ACSL4: variants seen among roughly 807,000 people sequenced by gnomAD.
The protein encoded by ACSL4 is long-chain-fatty-acid--CoA ligase 4.
In ACSL4, 9 loss-of-function variants were observed where a neutral mutation model predicts 49.1. The ratio of observed to expected loss-of-function variants is 0.18; its 90% CI spans 0.11 to 0.32. The LOEUF (loss-of-function observed/expected upper bound fraction) is 0.32, where lower values mean the gene tolerates loss of function less well. ACSL4 is among the 10% of genes least tolerant of loss of function. ACSL4 has a pLI of 1.00. For synonymous variants in ACSL4, 191 were observed against 170.3 expected, an observed-to-expected ratio of 1.12 and a Z score of -0.95; for missense variants, 333 against 493.7, an observed-to-expected ratio of 0.67 and a Z score of 3.08.
Position 109,697,419 on chromosome X carries a change from A to T in ACSL4, c.-65-1223T>A, listed in dbSNP as rs191393334. On this transcript the variant is annotated intron_variant, in intron 1 of 15. Transcript: ENST00000672401. ...GAACATCCACATAACTGTAATCATC[A>T]CACTAACTAGCTGGTGTTAATTCAT... is the stretch of plus-strand genomic sequence containing the variant. Among the ~76,000 whole-genome samples the T allele has an allele frequency of 6.3e-5, 7 of 111,516 alleles. No homozygotes were observed. The East Asian group carries it at 2.0e-3, about 32-fold the overall frequency.
intron 15 of ACSL4, among the ~76,000 whole-genome samples, chrX:109,645,306 A>G (rs923446117): frequency 1.8e-5 from 2 of 112,440 alleles, no homozygotes; most frequent in Non-Finnish European, 1.9e-5. Flanking sequence ...TGGTTCTCCC[A>G]GCACGCAGCT....
At chrX:109,698,526 AAT>A (rs780233850) in intron 1 of ACSL4, among the ~76,000 whole-genome samples, 126 of 112,093 alleles carry the variant, frequency 1.1e-3, no homozygotes, top group Non-Finnish European at 1.1e-3. Flanking sequence ...GTTTTTTTCT[AAT>A]ATAAGAAAGT....
chrX:109,671,470 C>G (rs1056310779), intron 9 of ACSL4, among the ~76,000 whole-genome samples: 1 of 108,718 alleles, frequency 9.2e-6, no homozygotes, highest in African/African-American at 3.3e-5. Context: ...AGCCCCCGCC[C>G]GACCAGCCAC....
chrX:109,682,730 T>A lies in ACSL4; in HGVS notation c.395A>T (p.Tyr132Phe), dbSNP rs753396090. 3 of 1,209,895 alleles carry A rather than the reference T, an allele frequency of 2.5e-6. No homozygotes were observed. The African/African-American group carries it at 5.2e-5, about 21-fold the overall frequency. ...CACAAGGCACTTACGAGGAAAGTTG[T>A]ACTTAAAGCAGGTCTGTGCTGCAAT... ...WMIAAQTCFK[Y>F]NFPLVTLYAT... The change falls in exon 4 of 16, where the codon TAC (tyrosine) becomes TTC (phenylalanine). Residue 132 changes from tyrosine to phenylalanine, a missense_variant. Physicochemically the swap from Tyr to Phe is conservative, Grantham distance 22. Coordinates refer to ENST00000672401, the MANE Select transcript of ACSL4 (RefSeq NM_001318510.2).
At chrX:109,724,843 C>T (rs1329418302) in intron 1 of ACSL4, among the ~76,000 whole-genome samples, 4 of 110,238 alleles carry the variant, frequency 3.6e-5, no homozygotes, top group African/African-American at 9.9e-5. Context: ...ATCTGTGAGA[C>T]GGAGGTTGTA....
At position 109,685,989 on chromosome X, in the gene ACSL4, C is replaced by T. The variant is rs150948405; in HGVS notation, c.-12-2614G>A. ...GCCTTTCCAGCTTTAAATTCTATGA[C>T]TTACCCTACTTGGAAAGTACCTTCT... On this transcript the variant is annotated intron_variant, in intron 2 of 15. Coordinates refer to ENST00000672401, the MANE Select transcript of ACSL4 (RefSeq NM_001318510.2). Among the ~76,000 whole-genome samples the T allele has an allele frequency of 4.8e-3, 540 of 111,412 alleles. 5 individuals are homozygous for T. The highest frequency in any genetic ancestry group is 0.015 in the African/African-American group (456 of 30,691).
intron 2 of ACSL4, among the ~76,000 whole-genome samples, chrX:109,690,441 A>G (rs778614029): frequency 8.9e-6 from 1 of 111,966 alleles, no homozygotes; most frequent in East Asian, 2.8e-4. Flanking sequence ...GGTATTGAGC[A>G]TTTACTACAG....
intron 9 of ACSL4, 147 bp from the exon 10 acceptor site, chrX:109,669,320 A>C: frequency 7.0e-6 from 3 of 429,454 alleles, no homozygotes; most frequent in Non-Finnish European, 4.0e-6. Context: ...TTCACTGACT[A>C]CTTGTTCACT....
chrX:109,668,042 C>T (rs983596601), intron 11 of ACSL4, 59 bp downstream of exon 11: 25 of 897,361 alleles, frequency 2.8e-5, no homozygotes, highest in Middle Eastern at 3.3e-4. Context: ...AAAGGTAATG[C>T]GAATGTATTT....
intron 4 of ACSL4, 25 bp downstream of exon 4, chrX:109,682,694 C>G: frequency 8.3e-7 from 1 of 1,209,456 alleles, no homozygotes; most frequent in South Asian, 1.8e-5. Context: ...CTCCTCTCCC[C>G]CCTCCAAAAA....
At chrX:109,648,629 C>T (rs1038164366) in intron 15 of ACSL4, among the ~76,000 whole-genome samples, 2 of 111,491 alleles carry the variant, frequency 1.8e-5, no homozygotes, top group African/African-American at 6.5e-5. Flanking sequence ...CAGGGATGCC[C>T]TCTCTCACCA....
At position 109,731,234 on chromosome X, in the gene ACSL4, T is replaced by C. The variant is rs1928418478; in HGVS notation, c.-66+1905A>G. Reference sequence around the variant, plus strand: ...CAGCCTTAACGCAAATTGCATTATATGTGTGTGTGTATACCTATATATACA... The same window carrying C: ...CAGCCTTAACGCAAATTGCATTATACGTGTGTGTGTATACCTATATATACA... On this transcript the variant is annotated intron_variant, in intron 1 of 15. Coordinates refer to ENST00000672401, the MANE Select transcript of ACSL4 (RefSeq NM_001318510.2). 3.6e-5 allele frequency among the ~76,000 whole-genome samples: 4 copies of C among 110,735 alleles called. No homozygotes were observed. In the South Asian group the frequency reaches 1.5e-3, roughly 42 times the overall value.
chrX:109,672,558 TTCAA>T (rs1220312318), intron 9 of ACSL4, among the ~76,000 whole-genome samples: 2 of 111,707 alleles, frequency 1.8e-5, no homozygotes, highest in South Asian at 3.7e-4. Context: ...TGTTATAGTA[TTCAA>T]TCAATCTTTC....
At chrX:109,690,371 G>A (rs1924948285) in intron 2 of ACSL4, among the ~76,000 whole-genome samples, 1 of 112,063 alleles carries the variant, frequency 8.9e-6, no homozygotes, top group Admixed American at 9.5e-5. Flanking sequence ...TTCAGTCATT[G>A]GATAGTTAAT....
At chrX:109,665,960 T>C (rs1477749640) in intron 11 of ACSL4, among the ~76,000 whole-genome samples, 1 of 112,324 alleles carries the variant, frequency 8.9e-6, no homozygotes, top group Non-Finnish European at 1.9e-5. Context: ...TTAACACTTC[T>C]TGGCACAAGC....
intron 12 of ACSL4, 56 bp downstream of exon 12, chrX:109,665,364 C>T: frequency 1.9e-6 from 2 of 1,038,244 alleles, no homozygotes; most frequent in Non-Finnish European, 2.7e-6. Context: ...AGTCATAAAG[C>T]TGACAGTAGT....
intron 1 of ACSL4, among the ~76,000 whole-genome samples, chrX:109,729,594 T>C (rs1237546308): frequency 8.9e-6 from 1 of 111,916 alleles, no homozygotes; most frequent in Non-Finnish European, 1.9e-5. Flanking sequence ...ATTTCAGAAA[T>C]TTATGTTCAC....
chrX:109,653,777 G>A lies in ACSL4; in HGVS notation c.1855+5577C>T, dbSNP rs1921378374. ...CAATGAGAACACATGGACACAGGAA[G>A]GGGAACATCACACTCTGGGGACTGT... is the stretch of plus-strand genomic sequence containing the variant. On this transcript the variant is annotated intron_variant, in intron 15 of 15. Coordinates refer to ENST00000672401, the MANE Select transcript of ACSL4 (RefSeq NM_001318510.2). Among the ~76,000 whole-genome samples, 3 of 108,831 alleles carry A rather than the reference G, an allele frequency of 2.8e-5. No homozygotes were observed. The Admixed American group carries it at 3.0e-4, about 11-fold the overall frequency. The allele number at this position is 108,831 out of a possible 115,157, so 94.5% of individuals were successfully genotyped here. A position where few individuals can be genotyped will look rare whatever the true frequency, so the allele number is the denominator to read the frequency against.
In ACSL4 at chrX:109,682,944, T is replaced by C. The variant is rs374722646; in HGVS notation, c.229-48A>G. On this transcript the variant is annotated intron_variant, in intron 3 of 15. Coordinates refer to ENST00000672401, the MANE Select transcript of ACSL4 (RefSeq NM_001318510.2). ...AATATTAGTATATTCAAACAAGCAA[T>C]TAAAATACTATCCAAAGCATAAAAC... is the stretch of plus-strand genomic sequence containing the variant. The C allele has an allele frequency of 1.3e-4, 150 of 1,140,445 alleles. 1 individual carries two copies. Among genetic ancestry groups the C allele is most frequent in the Non-Finnish European group, 1.7e-4 (145 of 835,513 alleles). The allele number at this position is 1,140,445 out of a possible 1,213,427, so 94.0% of individuals were successfully genotyped here.
Sources: gnomAD v4.1 joint callset for allele counts (sites outside exome capture counted in the v4.1 genomes callset) on GRCh38, gnomAD v4.1.1 for gene constraint, MANE v1.5 for transcripts, NCBI Gene and HGNC (gene_info 2026-07-23, HGNC 2026-07-21) for gene names.